The following GREB1L variants were observed in gnomAD, a reference collection of about 807,000 sequenced individuals.
GREB1L encodes the protein GREB1 like retinoic acid receptor coactivator, also known as GREB1-like protein.
Under a neutral mutation model 200.8 loss-of-function variants are expected in GREB1L, and 17 were observed. The ratio of observed to expected loss-of-function variants is 0.08; its 90% CI spans 0.06 to 0.13. The LOEUF is 0.13. GREB1L is among the 10% of genes least tolerant of loss of function. The pLI, the probability that GREB1L is intolerant of heterozygous loss-of-function variation, is 1.00. For synonymous variants in GREB1L, 789 were observed against 893.0 expected (o/e 0.88, Z 2.08); for missense variants, 1,657 against 2,367.7 (o/e 0.70, Z 6.23).
chr18:21,440,922 T>C (rs73960428), intron 9 of GREB1L, among the ~76,000 whole-genome samples: 1,541 of 152,342 alleles, frequency 0.01, 30 homozygotes, highest in African/African-American at 0.035. Context: ...TATTTAAATG[T>C]TTGTTTAAAT....
intron 1 of GREB1L, among the ~76,000 whole-genome samples, chr18:21,340,203 G>C (rs2039247505): frequency 6.6e-6 from 1 of 152,096 alleles, no homozygotes; most frequent in Non-Finnish European, 1.5e-5. Flanking sequence ...AGATCATAAG[G>C]TCAGGAGATC....
chr18:21,425,587 G>T (rs2032501953), intron 7 of GREB1L, among the ~76,000 whole-genome samples: 1 of 152,188 alleles, frequency 6.6e-6, no homozygotes, highest in Non-Finnish European at 1.5e-5. Flanking sequence ...CCACCCTTGT[G>T]GGTACGATGT....
At chr18:21,311,474 T>C (rs1405930646) in intron 1 of GREB1L, among the ~76,000 whole-genome samples, 1 of 152,202 alleles carries the variant, frequency 6.6e-6, no homozygotes, top group Non-Finnish European at 1.5e-5. Context: ...TGTTCCTCTT[T>C]GCAAATGAAC....
At chr18:21,249,009 C>T (rs956024989) in intron 1 of GREB1L, among the ~76,000 whole-genome samples, 3 of 152,154 alleles carry the variant, frequency 2.0e-5, no homozygotes, top group African/African-American at 7.2e-5. Flanking sequence ...GCAAAAATAT[C>T]ACTTGAAACA....
intron 1 of GREB1L, among the ~76,000 whole-genome samples, chr18:21,244,125 G>A (rs73959819): frequency 0.01 from 1,580 of 152,280 alleles, 33 homozygotes; most frequent in African/African-American, 0.036. Flanking sequence ...TTGAAGATCA[G>A]TTAGAGGGCT....
At chr18:21,505,177 C>G (rs780014847) in intron 23 of GREB1L, among the ~76,000 whole-genome samples, 1 of 152,082 alleles carries the variant, frequency 6.6e-6, no homozygotes, top group African/African-American at 2.4e-5. Context: ...CTTACAGATG[C>G]CAGAGTTTGT....
intron 7 of GREB1L, among the ~76,000 whole-genome samples, chr18:21,432,767 C>T (rs1477621892): frequency 2.3e-5 from 3 of 133,200 alleles, no homozygotes; most frequent in Non-Finnish European, 4.5e-5. Context: ...AGTGCAGTGG[C>T]ATGATCTTGG....
chr18:21,405,280 T>G (rs549274373), intron 7 of GREB1L, among the ~76,000 whole-genome samples: 1 of 152,374 alleles, frequency 6.6e-6, no homozygotes, highest in East Asian at 1.9e-4. Context: ...ATAGCCTTCA[T>G]TACATTAATG....
chr18:21,382,445 A>G (rs1162498059), intron 2 of GREB1L, among the ~76,000 whole-genome samples: 1 of 151,876 alleles, frequency 6.6e-6, no homozygotes, highest in African/African-American at 2.4e-5. Context: ...ATCATTAGCC[A>G]TTAATTAGCA....
rs1006640477 is a variant in GREB1L at position 21,525,932 on chromosome 18, T to C, written c.*3111T>C. Among the ~76,000 whole-genome samples, 1 of 152,164 alleles carries C rather than the reference T, an allele frequency of 6.6e-6. No homozygotes were observed. On this transcript the variant is annotated 3_prime_UTR_variant, in exon 33 of 33. Coordinates refer to ENST00000424526, the MANE Select transcript of GREB1L (RefSeq NM_001142966.3). The stretch of plus-strand genomic sequence containing the variant: ...GGACCCTCAGGAAGGGCAATAAATA[T>C]TTGTAAGTGTAATGACAGACTTTCA...
chr18:21,250,118 G>GT (rs2037677433), intron 1 of GREB1L, among the ~76,000 whole-genome samples: 1 of 152,260 alleles, frequency 6.6e-6, no homozygotes, highest in East Asian at 1.9e-4. Context: ...TCAGCTTGTT[G>GT]TTAGAGGGGC....
chr18:21,493,753 C>T (rs144450842), intron 19 of GREB1L, among the ~76,000 whole-genome samples: 70 of 149,980 alleles, frequency 4.7e-4, no homozygotes, highest in African/African-American at 1.6e-3. Context: ...GTAATCGCAG[C>T]TACTCAGGAG....
At chr18:21,243,543 C>G (rs2037543596) in intron 1 of GREB1L, among the ~76,000 whole-genome samples, 2 of 152,324 alleles carry the variant, frequency 1.3e-5, no homozygotes, top group African/African-American at 4.8e-5. Context: ...ATTTTTAAAC[C>G]TAGCCGTTTA....
At chr18:21,514,076 G>T in intron 28 of GREB1L, 90 bp downstream of exon 28, 1 of 1,276,336 alleles carries the variant, frequency 7.8e-7, no homozygotes. Context: ...GTAAGAAAGA[G>T]AGAGACAGCT....
intron 4 of GREB1L, among the ~76,000 whole-genome samples, chr18:21,389,333 G>GTTTTTTTTTT (rs78492131): frequency 2.1e-5 from 2 of 95,652 alleles, no homozygotes; most frequent in Non-Finnish European, 4.2e-5. Context: ...TATGGGGTGG[G>GTTTTTTTTTT]TTTTTTTTTT....
chr18:21,525,423 AGTT>A lies in GREB1L; in HGVS notation c.*2603_*2605del, dbSNP rs2037668733. ...AAGTTATCTCCCACCCCCTCCAAAA[AGTT>A]ATTTTTTCTTTATAGTTTTCTGGCA... is the stretch of plus-strand genomic sequence containing the variant. On this transcript the variant is annotated 3_prime_UTR_variant, in exon 33 of 33. Transcript: ENST00000424526. 1 of 152,096 alleles carries A rather than the reference AGTT, an allele frequency of 6.6e-6. No individual in the cohort carries two copies. The highest frequency in any genetic ancestry group is 2.1e-4 in the South Asian group (1 of 4,828). The allele number at this position is 152,096 out of a possible 1,614,324, so 9.4% of individuals were successfully genotyped here. A position where few individuals can be genotyped will look rare whatever the true frequency, so the allele number is the denominator to read the frequency against.
chr18:21,441,385 C>CTTTTTTTT lies in GREB1L; in HGVS notation c.1070-12_1070-5dup. On this transcript the variant is annotated splice_polypyrimidine_tract_variant and intron_variant, in intron 9 of 32. Transcript: ENST00000424526. ...TTTTCACGCCATCTTTCTTGTCAAACTTTTTTTTTTCCAGAGCCCCTTTTA... is the reference window on the plus strand; with the variant it reads ...TTTTCACGCCATCTTTCTTGTCAAACTTTTTTTTTTTTTTTTTTCCAGAGCCCCTTTTA... 1 of 1,385,374 alleles carries CTTTTTTTT rather than the reference C, an allele frequency of 7.2e-7. No individual in the cohort carries two copies. The allele number at this position is 1,385,374 out of a possible 1,614,324, so 85.8% of individuals were successfully genotyped here. A position where few individuals can be genotyped will look rare whatever the true frequency, so the allele number is the denominator to read the frequency against.
intron 1 of GREB1L, among the ~76,000 whole-genome samples, chr18:21,353,936 C>T (rs1598687414): frequency 6.6e-6 from 1 of 152,028 alleles, no homozygotes; most frequent in African/African-American, 2.4e-5. Flanking sequence ...CAGGTGCATA[C>T]CACCACACTC....
intron 7 of GREB1L, among the ~76,000 whole-genome samples, chr18:21,432,526 T>G (rs1212204157): frequency 6.6e-6 from 1 of 151,952 alleles, no homozygotes; most frequent in Non-Finnish European, 1.5e-5. Flanking sequence ...TTTTTTCCTA[T>G]GTACATAATT....
Sources: gnomAD v4.1 joint callset for allele counts (sites outside exome capture counted in the v4.1 genomes callset) on GRCh38, gnomAD v4.1.1 for gene constraint, MANE v1.5 for transcripts, NCBI Gene and HGNC (gene_info 2026-07-23, HGNC 2026-07-21) for gene names.